The following RABGAP1L variants were observed in gnomAD, a reference collection of about 807,000 sequenced individuals.
RABGAP1L encodes RAB GTPase activating protein 1 like, also known as rab GTPase-activating protein 1-like.
RABGAP1L carries 63 observed loss-of-function variants against 137.7 expected under a neutral mutation model. The ratio of observed to expected loss-of-function variants is 0.46; its 90% CI spans 0.37 to 0.56. RABGAP1L has a LOEUF of 0.56. Among genes scored for constraint, RABGAP1L ranks in the 20% least tolerant of loss-of-function variants. The probability of loss-of-function intolerance (pLI) is 0.00; values close to 1 mark genes in which losing one functional copy is unlikely to be tolerated. For missense variants in RABGAP1L, 1,095 were observed against 1,244.0 expected (o/e 0.88, Z 1.80); for synonymous variants, 431 against 433.7 (o/e 0.99, Z 0.08).
chr1:174,621,205 G>C (rs951115354), intron 13 of RABGAP1L, among the ~76,000 whole-genome samples: 2 of 152,100 alleles, frequency 1.3e-5, no homozygotes, highest in South Asian at 2.1e-4. Context: ...AATAAAAGAG[G>C]ATACAAACAA....
At chr1:174,835,558 T>C (rs1268456357) in intron 19 of RABGAP1L, among the ~76,000 whole-genome samples, 2 of 152,168 alleles carry the variant, frequency 1.3e-5, no homozygotes, top group Admixed American at 6.5e-5. Context: ...AGAGAGACGC[T>C]GTGGCAGAGA....
At chr1:174,476,407 C>T (rs948711706) in intron 13 of RABGAP1L, among the ~76,000 whole-genome samples, 5 of 152,212 alleles carry the variant, frequency 3.3e-5, no homozygotes, top group South Asian at 4.2e-4. Context: ...AAAACTTTTA[C>T]ACTATAATTT....
chr1:174,971,953 A>G (rs1248527265), intron 21 of RABGAP1L, among the ~76,000 whole-genome samples: 2 of 152,250 alleles, frequency 1.3e-5, no homozygotes, highest in Admixed American at 1.3e-4. Flanking sequence ...ATCATTTCTT[A>G]CTCTGACCAT....
chr1:174,369,714 T>C (rs1036948306), intron 11 of RABGAP1L, among the ~76,000 whole-genome samples: 3 of 152,224 alleles, frequency 2.0e-5, no homozygotes, highest in Non-Finnish European at 4.4e-5. Flanking sequence ...ATTTTCATGA[T>C]GAACTTATTA....
chr1:174,587,076 A>G (rs571878296), intron 13 of RABGAP1L, among the ~76,000 whole-genome samples: 1 of 151,250 alleles, frequency 6.6e-6, no homozygotes, highest in East Asian at 1.9e-4. Flanking sequence ...AAGGACATGA[A>G]CTCATCATTT....
At chr1:174,172,526 A>T (rs1468127903) in intron 1 of RABGAP1L, among the ~76,000 whole-genome samples, 1 of 152,092 alleles carries the variant, frequency 6.6e-6, no homozygotes, top group Non-Finnish European at 1.5e-5. Context: ...TGTCTTTTTG[A>T]TAATAGCCAT....
chr1:174,850,359 C>T (rs966486335), intron 19 of RABGAP1L, among the ~76,000 whole-genome samples: 2 of 152,182 alleles, frequency 1.3e-5, no homozygotes, highest in African/African-American at 4.8e-5. Flanking sequence ...ATGTGGATAT[C>T]TCTGGAAGGA....
intron 20 of RABGAP1L, among the ~76,000 whole-genome samples, chr1:174,966,224 C>A (rs562355563): frequency 6.6e-6 from 1 of 152,092 alleles, no homozygotes; most frequent in Non-Finnish European, 1.5e-5. Context: ...ACATAATAGT[C>A]GAGGGAGCTT....
intron 18 of RABGAP1L, among the ~76,000 whole-genome samples, chr1:174,764,858 A>G (rs1449734792): frequency 6.6e-6 from 1 of 152,100 alleles, no homozygotes; most frequent in Non-Finnish European, 1.5e-5. Context: ...ATCCCAGGGG[A>G]GCTAGGGGGC....
intron 14 of RABGAP1L, among the ~76,000 whole-genome samples, chr1:174,675,008 G>A (rs1336051345): frequency 6.6e-6 from 1 of 151,858 alleles, no homozygotes; most frequent in Non-Finnish European, 1.5e-5. Context: ...AGATGAGTAG[G>A]TTGCAAAAAT....
intron 4 of RABGAP1L, among the ~76,000 whole-genome samples, chr1:174,232,454 C>T (rs2148511267): frequency 6.6e-6 from 1 of 150,844 alleles, no homozygotes; most frequent in Admixed American, 6.6e-5. Flanking sequence ...CACTGCACTC[C>T]AGTCTGGGTG....
rs542423389 is a variant in RABGAP1L at position 174,804,777 on chromosome 1, G to A, written c.2212-7055G>A. Among the ~76,000 whole-genome samples the A allele has an allele frequency of 9.2e-5, 14 of 152,216 alleles. No homozygotes were observed. In the East Asian group the frequency reaches 2.3e-3, roughly 25 times the overall value. On this transcript the variant is annotated intron_variant, in intron 18 of 25. Coordinates refer to ENST00000681986, the MANE Select transcript of RABGAP1L (RefSeq NM_001366446.1). Reference sequence around the variant, plus strand: ...ACAAATGATCTAGCTGTCCCTTTTCGTAGCCATTTTAAGGTTTCATTTTGG... The same window carrying A: ...ACAAATGATCTAGCTGTCCCTTTTCATAGCCATTTTAAGGTTTCATTTTGG...
chr1:174,446,248 G>A (rs1226457495), intron 13 of RABGAP1L, among the ~76,000 whole-genome samples: 1 of 152,170 alleles, frequency 6.6e-6, no homozygotes, highest in Non-Finnish European at 1.5e-5. Flanking sequence ...TAGGTGAGAA[G>A]CATTACCTTA....
intron 13 of RABGAP1L, among the ~76,000 whole-genome samples, chr1:174,565,478 C>G (rs1253038507): frequency 6.6e-6 from 1 of 152,000 alleles, no homozygotes; most frequent in Non-Finnish European, 1.5e-5. Flanking sequence ...TTTTGTTTGA[C>G]TAGTTACTTT....
At chr1:174,490,025 G>T (rs149611623) in intron 13 of RABGAP1L, among the ~76,000 whole-genome samples, 1,603 of 152,110 alleles carry the variant, frequency 0.011, 9 homozygotes, top group Non-Finnish European at 0.016. Flanking sequence ...CTCAAAACAG[G>T]TATTTTGAAT....
At chr1:174,534,775 C>CAAAAAAAAAAAAAAAAA (rs71117567) in intron 13 of RABGAP1L, among the ~76,000 whole-genome samples, 76 of 71,624 alleles carry the variant, frequency 1.1e-3, no homozygotes, top group East Asian at 2.3e-3. Flanking sequence ...ACTCTGTCTC[C>CAAAAAAAAAAAAAAAAA]AAAAAAAAAA....
chr1:174,537,566 A>C (rs1235267078), intron 13 of RABGAP1L, among the ~76,000 whole-genome samples: 1 of 152,190 alleles, frequency 6.6e-6, no homozygotes, highest in East Asian at 1.9e-4. Flanking sequence ...TAAATGCTAT[A>C]CACCATCATC....
At chr1:174,860,265 T>G (rs79444849) in intron 19 of RABGAP1L, among the ~76,000 whole-genome samples, 3,720 of 152,136 alleles carry the variant, frequency 0.024, 148 homozygotes, top group African/African-American at 0.085. Context: ...CAACACAATA[T>G]TAAAAAATGA....
chr1:174,677,058 A>G (rs997654861), intron 14 of RABGAP1L, among the ~76,000 whole-genome samples: 10 of 151,918 alleles, frequency 6.6e-5, no homozygotes, highest in Admixed American at 3.3e-4. Context: ...GGGGTGGCTC[A>G]TGCGTGTAAT....
Sources: allele counts gnomAD v4.1 joint callset (sites outside exome capture counted in the v4.1 genomes callset), GRCh38; gene constraint gnomAD v4.1.1; transcripts MANE v1.5; gene names NCBI Gene and HGNC (gene_info 2026-07-23, HGNC 2026-07-21).